SYNGR3: variants seen among roughly 807,000 people sequenced by gnomAD.
SYNGR3 encodes synaptogyrin 3, also known as synaptogyrin-3.
SYNGR3 carries 10 observed loss-of-function variants against 18.5 expected under a neutral mutation model. The observed-to-expected ratio is 0.54, with a 90% confidence interval of 0.33 to 0.92. SYNGR3 has a LOEUF of 0.92. Among genes scored for constraint, SYNGR3 ranks in the 40% least tolerant of loss-of-function variants. SYNGR3 has a pLI of 0.02. For synonymous variants in SYNGR3, 188 were observed against 157.2 expected, an observed-to-expected ratio of 1.20 and a Z score of -1.47; for missense variants, 335 against 332.8, an observed-to-expected ratio of 1.01 and a Z score of -0.05.
At position 1,993,669 on chromosome 16, in the gene SYNGR3, G is replaced by C. The variant is rs1255850803; in HGVS notation, c.*597G>C. 8 of 440,968 alleles carry C rather than the reference G, an allele frequency of 1.8e-5. No homozygotes were observed. Among genetic ancestry groups the C allele is most frequent in the Non-Finnish European group, 3.7e-5 (8 of 217,548 alleles). 27.3% of individuals were successfully genotyped at this position (440,968 alleles called of 1,614,324 possible). A position where few individuals can be genotyped will look rare whatever the true frequency, so the allele number is the denominator to read the frequency against. ...TTCACCTCCTAGTACTCCACAAGCT[G>C]CTCCTCTCTCTGTGGCCCCGGCCCC... is the stretch of plus-strand genomic sequence containing the variant. On this transcript the variant is annotated 3_prime_UTR_variant, in exon 4 of 4. Coordinates refer to ENST00000248121, the MANE Select transcript of SYNGR3 (RefSeq NM_004209.6).
intron 2 of SYNGR3, 158 bp downstream of exon 2, chr16:1,992,369 C>CG (rs1169577295): frequency 2.3e-5 from 3 of 132,398 alleles, no homozygotes; most frequent in Admixed American, 5.1e-4. Flanking sequence ...CCCGGGTGGG[C>CG]GGGGAGGGGG....
At position 1,992,129 on chromosome 16, in the gene SYNGR3, C is replaced by A; in HGVS notation, c.255C>A (p.Phe85Leu). 6.5e-7 allele frequency: 1 copy of A among 1,543,118 alleles called. No individual in the cohort carries two copies. The highest frequency in any genetic ancestry group is 8.7e-7 in the Non-Finnish European group (1 of 1,146,936). The change falls in exon 2 of 4, where the codon TTC becomes TTA. Residue 85 changes from phenylalanine to leucine, a missense_variant. Transcript: ENST00000248121. ...GLGAFLACAAFLLLDVRFQQI... is the reference protein window; with the variant it reads ...GLGAFLACAALLLLDVRFQQI... Reference sequence around the variant, plus strand: ...GAGCCTTCCTCGCCTGCGCCGCCTTCCTGCTGCTCGATGTGCGCTTCCAGC... The same window carrying A: ...GAGCCTTCCTCGCCTGCGCCGCCTTACTGCTGCTCGATGTGCGCTTCCAGC...
chr16:1,992,811 GGGCGGGCGCTC>G (rs2083612248), intron 3 of SYNGR3, 33 bp downstream of exon 3: 2 of 1,506,044 alleles, frequency 1.3e-6, no homozygotes, highest in East Asian at 4.9e-5. Flanking sequence ...CGGGGCGAAG[GGGCGGGCGCTC>G]GGCTGATCCC....
At position 1,992,964 on chromosome 16, in the gene SYNGR3, C is replaced by T. The variant is rs200275261; in HGVS notation, c.582C>T (p.Pro194=). The T allele has an allele frequency of 2.4e-5, 38 of 1,611,764 alleles. No individual in the cohort carries two copies. Among genetic ancestry groups the T allele is most frequent in the African/African-American group, 2.3e-4 (17 of 75,042 alleles). Residue 194 remains proline (P), a synonymous_variant, in exon 4 of 4, where the codon CCC becomes CCT. Coordinates refer to ENST00000248121, the MANE Select transcript of SYNGR3 (RefSeq NM_004209.6). ...QLSTGASQAY[P]GYPVGSGVEG... is the part of the protein sequence containing the mutation. The stretch of plus-strand genomic sequence containing the variant: ...GCACCGGGGCGAGCCAGGCCTACCC[C>T]GGCTATCCGGTGGGCAGCGGCGTGG...
In SYNGR3 at chr16:1,993,243, C is replaced by A; in HGVS notation, c.*171C>A. ...GACCCGCGTGTCTGGGCTGCCCCTG[C>A]CAAGTTCCCCCAGTCCCTCAGCACC... On this transcript the variant is annotated 3_prime_UTR_variant, in exon 4 of 4. Coordinates refer to ENST00000248121, the MANE Select transcript of SYNGR3 (RefSeq NM_004209.6). 2 of 770,584 alleles carry A rather than the reference C, an allele frequency of 2.6e-6. No individual in the cohort carries two copies. Among genetic ancestry groups the A allele is most frequent in the Non-Finnish European group, 4.1e-6 (2 of 483,474 alleles). The allele number at this position is 770,584 out of a possible 1,614,324, so 47.7% of individuals were successfully genotyped here. A position where few individuals can be genotyped will look rare whatever the true frequency, so the allele number is the denominator to read the frequency against.
chr16:1,991,151 G>T (rs1416879877), intron 1 of SYNGR3: 1 of 152,338 alleles, frequency 6.6e-6, no homozygotes, highest in Non-Finnish European at 1.5e-5. Context: ...AAATGACTGC[G>T]GTCCCCCTCA....
chr16:1,993,114 A>C lies in SYNGR3; in HGVS notation c.*42A>C, dbSNP rs2083614140. ...ACCAGGGCTCCAAGGCCACCCCACC[A>C]ACGCAGGCCCCAGGGTCTCCGGGAC... On this transcript the variant is annotated 3_prime_UTR_variant, in exon 4 of 4. Transcript: ENST00000248121. 1 of 1,574,298 alleles carries C rather than the reference A, an allele frequency of 6.4e-7. No individual in the cohort carries two copies. Among genetic ancestry groups the C allele is most frequent in the East Asian group, 2.4e-5 (1 of 42,100 alleles).
chr16:1,992,849 C>T lies in SYNGR3; in HGVS notation c.481-14C>T, dbSNP rs752480163. The T allele has an allele frequency of 1.9e-5, 29 of 1,538,776 alleles. No homozygotes were observed. Among genetic ancestry groups the T allele is most frequent in the Non-Finnish European group, 2.4e-5 (28 of 1,143,782 alleles). ...GCTGATCCCGGCTGACCCCGCTGAC[C>T]CCGCCCCGCGCAGGTGGCGCTCACC... On this transcript the variant is annotated splice_polypyrimidine_tract_variant and intron_variant, in intron 3 of 3. Coordinates refer to ENST00000248121, the MANE Select transcript of SYNGR3 (RefSeq NM_004209.6).
chr16:1,992,224 G>A lies in SYNGR3; in HGVS notation c.337+13G>A. The A allele has an allele frequency of 7.4e-7, 1 of 1,354,496 alleles. No individual in the cohort carries two copies. Among genetic ancestry groups the A allele is most frequent in the Non-Finnish European group, 9.5e-7 (1 of 1,054,724 alleles). The allele number at this position is 1,354,496 out of a possible 1,614,324, so 83.9% of individuals were successfully genotyped here. A position where few individuals can be genotyped will look rare whatever the true frequency, so the allele number is the denominator to read the frequency against. ...CTGGGCTTCTCAGGTGGGCGGGGCC[G>A]GGGCGGTGAGCGCGGAGAGCCTTCC... On this transcript the variant is annotated intron_variant, in intron 2 of 3. Coordinates refer to ENST00000248121, the MANE Select transcript of SYNGR3 (RefSeq NM_004209.6).
chr16:1,990,577 G>T (rs1365681884), intron 1 of SYNGR3: 6 of 432,964 alleles, frequency 1.4e-5, no homozygotes, highest in Non-Finnish European at 2.8e-5. Flanking sequence ...GGGCAGGAGG[G>T]GGCTACGGGA....
At position 1,990,207 on chromosome 16, in the gene SYNGR3, T is replaced by C; in HGVS notation, c.99+6T>C. On this transcript the variant is annotated splice_donor_region_variant and intron_variant, in intron 1 of 3. Coordinates refer to ENST00000248121, the MANE Select transcript of SYNGR3 (RefSeq NM_004209.6). Reference sequence around the variant, plus strand: ...TGCTCCGGGTCGCGTCCTGGGTGAGTGGTCCCTGCCCGGGCCCCCGCTCCC... The same window carrying C: ...TGCTCCGGGTCGCGTCCTGGGTGAGCGGTCCCTGCCCGGGCCCCCGCTCCC... 1 of 1,270,262 alleles carries C rather than the reference T, an allele frequency of 7.9e-7. No individual in the cohort carries two copies. The highest frequency in any genetic ancestry group is 1.0e-6 in the Non-Finnish European group (1 of 1,005,010). 78.7% of individuals were successfully genotyped at this position (1,270,262 alleles called of 1,614,324 possible). A position where few individuals can be genotyped will look rare whatever the true frequency, so the allele number is the denominator to read the frequency against.
Position 1,992,042 on chromosome 16 carries a change from G to C in SYNGR3, c.168G>C (p.Glu56Asp), listed in dbSNP as rs758672010. 1.3e-6 allele frequency: 2 copies of C among 1,579,294 alleles called. No individual in the cohort carries two copies. Among genetic ancestry groups the C allele is most frequent in the East Asian group, 4.7e-5 (2 of 42,704 alleles). The stretch of plus-strand genomic sequence containing the variant: ...ACGTGAACACCGACAGCGGCCCCGA[G>C]CTGCGCTGCGTGTTCAACGGGAACG... Reference protein sequence around the residue: ...EGYVNTDSGPELRCVFNGNAG... With the variant: ...EGYVNTDSGPDLRCVFNGNAG... Residue 56 changes from glutamate to aspartate, a missense_variant, in exon 2 of 4, where the codon GAG becomes GAC. Coordinates refer to ENST00000248121, the MANE Select transcript of SYNGR3 (RefSeq NM_004209.6).
chr16:1,991,375 A>C (rs777191961), intron 1 of SYNGR3: 1 of 152,952 alleles, frequency 6.5e-6, no homozygotes, highest in Non-Finnish European at 1.5e-5. Context: ...CCCTATTTGC[A>C]TGCTAGAAAA....
Position 1,992,062 on chromosome 16 carries a change from G to A in SYNGR3, c.188G>A (p.Gly63Glu), listed in dbSNP as rs1242423927. ...CCCGAGCTGCGCTGCGTGTTCAACG[G>A]GAACGCGGGCGCCTGCCGCTTCGGC... Reference protein sequence around the residue: ...SGPELRCVFNGNAGACRFGVA... With the variant: ...SGPELRCVFNENAGACRFGVA... The change falls in exon 2 of 4, where the codon GGG (glycine) becomes GAG (glutamate). Residue 63 changes from glycine (G) to glutamate (E), a missense_variant. Coordinates refer to ENST00000248121, the MANE Select transcript of SYNGR3 (RefSeq NM_004209.6). The A allele has an allele frequency of 1.3e-6, 2 of 1,572,146 alleles. No individual in the cohort carries two copies. Among genetic ancestry groups the A allele is most frequent in the Non-Finnish European group, 8.6e-7 (1 of 1,160,768 alleles).
In SYNGR3 at chr16:1,990,109, G is replaced by A. The variant is rs1597066271; in HGVS notation, c.7G>A (p.Gly3Ser). The A allele has an allele frequency of 1.9e-5, 23 of 1,212,816 alleles. No individual in the cohort carries two copies. Among genetic ancestry groups the A allele is most frequent in the Non-Finnish European group, 1.8e-5 (18 of 975,124 alleles). The allele number at this position is 1,212,816 out of a possible 1,614,324, so 75.1% of individuals were successfully genotyped here. A position where few individuals can be genotyped will look rare whatever the true frequency, so the allele number is the denominator to read the frequency against. ME[G>S]ASFGAGRAGA... ...CGTCCCGCCCGGGCCGGCCATGGAG[G>A]GCGCCTCCTTCGGCGCGGGCCGCGC... Residue 3 changes from glycine to serine, a missense_variant, in exon 1 of 4, where the codon GGC becomes AGC. By Grantham distance (56) the Gly-to-Ser change is moderately conservative. Transcript: ENST00000248121.
At chr16:1,991,945 C>A in intron 1 of SYNGR3, 29 bp from the exon 2 acceptor site, 1 of 1,562,942 alleles carries the variant, frequency 6.4e-7, no homozygotes, top group African/African-American at 1.4e-5. Context: ...CGGGTCGCCG[C>A]AGGGCCCTGA....
In SYNGR3 at chr16:1,992,750, C is replaced by T. The variant is rs752531491; in HGVS notation, c.452C>T (p.Ala151Val). Residue 151 changes from alanine to valine, a missense_variant, in exon 3 of 4, where the codon GCC becomes GTC. Ala to Val is a moderately conservative substitution (Grantham distance 64). Coordinates refer to ENST00000248121, the MANE Select transcript of SYNGR3 (RefSeq NM_004209.6). The part of the protein sequence containing the change: ...QAGDAARAAI[A>V]FSFFSILSWV... ...GGGGACGCGGCGCGGGCCGCCATCG[C>T]CTTCAGCTTCTTCTCCATCCTCAGC... 78 of 1,579,556 alleles carry T rather than the reference C, an allele frequency of 4.9e-5. No homozygotes were observed. Among genetic ancestry groups the T allele is most frequent in the Non-Finnish European group, 6.5e-5 (76 of 1,166,764 alleles).
Position 1,993,057 on chromosome 16 carries a change from G to T in SYNGR3, c.675G>T (p.Gln225His). 6.2e-7 allele frequency: 1 copy of T among 1,610,926 alleles called. No homozygotes were observed. ...ETLDTSPKGY[Q>H]VPAY ...TGGACACCAGCCCCAAAGGGTACCA[G>T]GTGCCCGCCTACTAGCGGCTGGCAG... Residue 225 changes from glutamine (Q) to histidine (H), a missense_variant, in exon 4 of 4, where the codon CAG becomes CAT. Gln to His is a conservative substitution (Grantham distance 24). Transcript: ENST00000248121.
chr16:1,992,159 C>G lies in SYNGR3; in HGVS notation c.285C>G (p.Ile95Met). 6.7e-7 allele frequency: 1 copy of G among 1,483,920 alleles called. No homozygotes were observed. The highest frequency in any genetic ancestry group is 9.0e-7 in the Non-Finnish European group (1 of 1,116,774). 91.9% of individuals were successfully genotyped at this position (1,483,920 alleles called of 1,614,324 possible). The change falls in exon 2 of 4, where the codon ATC (isoleucine) becomes ATG (methionine). Residue 95 changes from isoleucine to methionine, a missense_variant. Ile to Met is a conservative substitution (Grantham distance 10, BLOSUM62 1). Coordinates refer to ENST00000248121, the MANE Select transcript of SYNGR3 (RefSeq NM_004209.6). ...FLLLDVRFQQ[I>M]SSVRDRRRAV... ...TGCTCGATGTGCGCTTCCAGCAAAT[C>G]AGCAGCGTCCGCGACCGCCGGCGCG...
Sources: gnomAD v4.1 joint callset for allele counts on GRCh38, gnomAD v4.1.1 for gene constraint, MANE v1.5 for transcripts, NCBI Gene and HGNC (gene_info 2026-07-23, HGNC 2026-07-21) for gene names.